MAPK9: variants seen among roughly 807,000 people sequenced by gnomAD.
MAPK9 encodes the protein Jun kinase.
A neutral mutation model predicts 57.1 loss-of-function variants in MAPK9; 30 were observed. The observed-to-expected ratio is 0.53, with a 90% confidence interval of 0.39 to 0.71. The LOEUF is 0.71. Among genes scored for constraint, MAPK9 ranks in the 30% least tolerant of loss-of-function variants. MAPK9 has a pLI of 0.00. For missense variants in MAPK9, 362 were observed against 521.0 expected (o/e 0.69, Z 2.97); for synonymous variants, 155 against 177.0 (o/e 0.88, Z 0.99).
chr5:180,257,455 G>A lies in MAPK9; in HGVS notation c.450+4229C>T, dbSNP rs35827396. Among the ~76,000 whole-genome samples, 1,287 of 152,332 alleles carry A rather than the reference G, an allele frequency of 8.4e-3. 15 individuals are homozygous for A. Among genetic ancestry groups the A allele is most frequent in the Admixed American group, 0.024 (370 of 15,302 alleles). On this transcript the variant is annotated intron_variant, in intron 5 of 11. Transcript: ENST00000452135. ...TTGCTGTTGGAACATAAAATCTAAT[G>A]GCAATCTGTTGATAAAATTAGTATA...
Position 180,247,396 on chromosome 5 carries a change from C to A in MAPK9, c.688+43G>T. Reference sequence around the variant, plus strand: ...AAGCAGGTGGTCATGCTGCCTGAGGCATTAAGAAAGCATGGCGGGGCCAAG... The same window carrying A: ...AAGCAGGTGGTCATGCTGCCTGAGGAATTAAGAAAGCATGGCGGGGCCAAG... On this transcript the variant is annotated intron_variant, in intron 7 of 11. Transcript: ENST00000452135. This position sits in a 1 kb window ranked among gnomAD's most constrained non-coding sequence, Gnocchi z 4.5. The A allele has an allele frequency of 6.2e-7, 1 of 1,613,424 alleles. No homozygotes were observed. Among genetic ancestry groups the A allele is most frequent in the South Asian group, 1.1e-5 (1 of 91,070 alleles).
Position 180,247,412 on chromosome 5 carries a change from C to T in MAPK9, c.688+27G>A, listed in dbSNP as rs752399475. 1.1e-5 allele frequency: 18 copies of T among 1,613,964 alleles called. No individual in the cohort carries two copies. Among genetic ancestry groups the T allele is most frequent in the East Asian group, 4.5e-5 (2 of 44,898 alleles). On this transcript the variant is annotated intron_variant, in intron 7 of 11. Coordinates refer to ENST00000452135, the MANE Select transcript of MAPK9 (RefSeq NM_002752.5). This position sits in a 1 kb window ranked among gnomAD's most constrained non-coding sequence, Gnocchi z 4.5. ...TGCCTGAGGCATTAAGAAAGCATGG[C>T]GGGGCCAAGGTCGCGGGGAAGGATA...
intron 2 of MAPK9, 135 bp from the exon 3 acceptor site, chr5:180,269,544 G>T: frequency 1.2e-6 from 1 of 820,034 alleles, no homozygotes; most frequent in Non-Finnish European, 1.9e-6. Flanking sequence ...CAAGGTACTT[G>T]CACATATGAA....
At chr5:180,280,340 T>G in intron 2 of MAPK9, 100 bp downstream of exon 2, 1 of 1,490,782 alleles carries the variant, frequency 6.7e-7, no homozygotes, top group Non-Finnish European at 9.0e-7. Context: ...ATAACAGAGT[T>G]TTTTTTTTAA....
chr5:180,273,511 G>A (rs779512654), intron 2 of MAPK9, among the ~76,000 whole-genome samples: 18 of 152,072 alleles, frequency 1.2e-4, no homozygotes, highest in South Asian at 2.1e-4. Flanking sequence ...ATAGGCATGA[G>A]CCACCACATC....
intron 1 of MAPK9, among the ~76,000 whole-genome samples, chr5:180,283,987 T>C (rs183064987): frequency 2.6e-5 from 4 of 152,274 alleles, no homozygotes; most frequent in African/African-American, 7.2e-5. Flanking sequence ...GTACCCTTAT[T>C]ATGCAGGAGA....
chr5:180,262,295 T>A (rs532881603), intron 4 of MAPK9, among the ~76,000 whole-genome samples: 38 of 152,292 alleles, frequency 2.5e-4, no homozygotes, highest in African/African-American at 9.1e-4. Context: ...TAAAAGTGAT[T>A]ATACAACAAC....
chr5:180,243,035 A>G (rs1176572932), intron 7 of MAPK9: 3 of 315,758 alleles, frequency 9.5e-6, no homozygotes, highest in African/African-American at 2.1e-5. Flanking sequence ...AGTTTATCTT[A>G]TAACTAAGAA....
chr5:180,241,359 G>T (rs951388503), intron 8 of MAPK9, among the ~76,000 whole-genome samples: 1 of 150,478 alleles, frequency 6.6e-6, no homozygotes. Context: ...ATGCAGTGGC[G>T]CAATCTTGGC....
At chr5:180,240,770 C>A (rs1376331195) in intron 9 of MAPK9, among the ~76,000 whole-genome samples, 5 of 152,244 alleles carry the variant, frequency 3.3e-5, no homozygotes, top group Non-Finnish European at 7.3e-5. Context: ...GCTTAATAAA[C>A]TATGAGCTCA....
Position 180,280,622 on chromosome 5 carries a change from C to T in MAPK9, c.-47-14G>A. On this transcript the variant is annotated splice_polypyrimidine_tract_variant and intron_variant, in intron 1 of 11. Transcript: ENST00000452135. ...AGTTTCAGATCCCTTCAAAGAAAAA[C>T]AGAATGAACGTGCATTCTTACCGGA... 1 of 1,585,590 alleles carries T rather than the reference C, an allele frequency of 6.3e-7. No homozygotes were observed. The highest frequency in any genetic ancestry group is 8.6e-7 in the Non-Finnish European group (1 of 1,163,880).
At chr5:180,262,520 C>T (rs1034990550) in intron 4 of MAPK9, among the ~76,000 whole-genome samples, 3 of 151,612 alleles carry the variant, frequency 2.0e-5, no homozygotes, top group Middle Eastern at 3.2e-3. Context: ...CTCCACCTCC[C>T]GGGTTCAAGC....
At chr5:180,271,474 T>G (rs1761308542) in intron 2 of MAPK9, among the ~76,000 whole-genome samples, 1 of 152,238 alleles carries the variant, frequency 6.6e-6, no homozygotes, top group Middle Eastern at 3.2e-3. Context: ...TTTTTGGGTT[T>G]TCCCTGGTTA....
At chr5:180,251,044 C>T (rs1758629859) in intron 5 of MAPK9, among the ~76,000 whole-genome samples, 1 of 152,130 alleles carries the variant, frequency 6.6e-6, no homozygotes, top group African/African-American at 2.4e-5. Flanking sequence ...TAAAATAATG[C>T]TCAATCTCAC....
At chr5:180,280,985 A>G (rs987489409) in intron 1 of MAPK9, among the ~76,000 whole-genome samples, 2 of 152,234 alleles carry the variant, frequency 1.3e-5, no homozygotes, top group Non-Finnish European at 2.9e-5. Context: ...CTAGCTGTCT[A>G]GAGACGGAGG....
At chr5:180,256,678 G>A (rs1331896126) in intron 5 of MAPK9, among the ~76,000 whole-genome samples, 1 of 152,100 alleles carries the variant, frequency 6.6e-6, no homozygotes, top group East Asian at 1.9e-4. Context: ...ACCTCGTGCT[G>A]GGCAAACCAA....
chr5:180,270,549 G>C (rs1055282537), intron 2 of MAPK9, among the ~76,000 whole-genome samples: 1 of 152,086 alleles, frequency 6.6e-6, no homozygotes, highest in African/African-American at 2.4e-5. Context: ...ATACTTCTCA[G>C]ACTCAAGAAT....
chr5:180,290,135 T>C (rs1024336111), intron 1 of MAPK9, among the ~76,000 whole-genome samples: 10 of 152,246 alleles, frequency 6.6e-5, no homozygotes, highest in African/African-American at 2.2e-4. Context: ...TTGAAATTAC[T>C]GGCGTGAGCC....
chr5:180,247,680 G>T lies in MAPK9; in HGVS notation c.617-170C>A. 1 of 942,324 alleles carries T rather than the reference G, an allele frequency of 1.1e-6. No homozygotes were observed. Among genetic ancestry groups the T allele is most frequent in the Non-Finnish European group, 1.7e-6 (1 of 596,676 alleles). 58.4% of individuals were successfully genotyped at this position (942,324 alleles called of 1,614,324 possible). A position where few individuals can be genotyped will look rare whatever the true frequency, so the allele number is the denominator to read the frequency against. Reference sequence around the variant, plus strand: ...TTGCTGACCTCTATTTTAGCCTTCGGTTTGTAGCAATCTGGGGTTTTAGTG... The same window carrying T: ...TTGCTGACCTCTATTTTAGCCTTCGTTTTGTAGCAATCTGGGGTTTTAGTG... On this transcript the variant is annotated intron_variant, in intron 6 of 11. Coordinates refer to ENST00000452135, the MANE Select transcript of MAPK9 (RefSeq NM_002752.5). The surrounding 1 kb of genome is among the most constrained non-coding windows in gnomAD (Gnocchi z 4.5).
Sources: allele counts gnomAD v4.1 joint callset (sites outside exome capture counted in the v4.1 genomes callset), GRCh38; gene constraint gnomAD v4.1.1; non-coding constraint Gnocchi (gnomAD v3.1); transcripts MANE v1.5; gene names NCBI Gene and HGNC (gene_info 2026-07-23, HGNC 2026-07-21).